The following NDRG3 variants were observed in gnomAD, a reference collection of about 807,000 sequenced individuals.
NDRG3 encodes the protein NDRG family member 3.
In NDRG3, 23 loss-of-function variants were observed where a neutral mutation model predicts 57.2. The observed-to-expected ratio is 0.40, with a 90% CI of 0.29 to 0.57. The LOEUF is 0.57. Among genes scored for constraint, NDRG3 ranks in the 20% least tolerant of loss-of-function variants. NDRG3 has a pLI of 0.42. For synonymous variants in NDRG3, 132 were observed against 162.6 expected (o/e 0.81, Z 1.43); for missense variants, 384 against 457.3 (o/e 0.84, Z 1.46).
intron 6 of NDRG3, among the ~76,000 whole-genome samples, chr20:36,683,849 A>ACAG (rs1981547926): frequency 6.6e-6 from 1 of 151,774 alleles, no homozygotes; most frequent in Non-Finnish European, 1.5e-5. Flanking sequence ...TCATCCCCCA[A>ACAG]CAGCAGCATC....
At chr20:36,676,895 G>T (rs1446666089) in intron 8 of NDRG3, among the ~76,000 whole-genome samples, 2 of 152,262 alleles carry the variant, frequency 1.3e-5, no homozygotes, top group African/African-American at 4.8e-5. Context: ...GTTGGGACCA[G>T]AGCCGCAGAC....
chr20:36,673,564 C>A (rs2148065042), intron 8 of NDRG3, among the ~76,000 whole-genome samples: 1 of 152,200 alleles, frequency 6.6e-6, no homozygotes, highest in African/African-American at 2.4e-5. Flanking sequence ...CACCACCACA[C>A]CTGGCTACGT....
At chr20:36,738,108 G>A (rs189204405) in intron 1 of NDRG3, among the ~76,000 whole-genome samples, 16 of 151,770 alleles carry the variant, frequency 1.1e-4, no homozygotes, top group South Asian at 8.4e-4. Flanking sequence ...TTTAGGTATC[G>A]TTATTATCAT....
At chr20:36,673,405 T>C (rs1980355573) in intron 8 of NDRG3, among the ~76,000 whole-genome samples, 1 of 152,028 alleles carries the variant, frequency 6.6e-6, no homozygotes, top group Non-Finnish European at 1.5e-5. Flanking sequence ...TTTGTTTGTT[T>C]TCTTTTTTTT....
intron 9 of NDRG3, among the ~76,000 whole-genome samples, chr20:36,667,939 A>ACCTTT (rs1979777241): frequency 6.6e-6 from 1 of 152,140 alleles, no homozygotes; most frequent in African/African-American, 2.4e-5. Flanking sequence ...ATAATAAGAA[A>ACCTTT]AGTGAATACC....
At chr20:36,698,705 C>T (rs993329276) in intron 3 of NDRG3, among the ~76,000 whole-genome samples, 8 of 151,666 alleles carry the variant, frequency 5.3e-5, no homozygotes, top group African/African-American at 7.3e-5. Flanking sequence ...AAACTGGAAA[C>T]AGCCCAAATA....
chr20:36,687,358 G>C (rs1981875444), intron 5 of NDRG3, 134 bp downstream of exon 5: 8 of 1,108,018 alleles, frequency 7.2e-6, no homozygotes, highest in Non-Finnish European at 5.1e-6. Flanking sequence ...GAAAATATGA[G>C]GATGGTTGGT....
At chr20:36,712,572 TA>T (rs1568660301) in intron 2 of NDRG3, among the ~76,000 whole-genome samples, 58 of 17,916 alleles carry the variant, frequency 3.2e-3, no homozygotes, top group African/African-American at 8.8e-3. Context: ...TATATATATA[TA>T]TATATATATA....
At chr20:36,673,310 T>G (rs1980347017) in intron 8 of NDRG3, among the ~76,000 whole-genome samples, 1 of 152,188 alleles carries the variant, frequency 6.6e-6, no homozygotes, top group Non-Finnish European at 1.5e-5. Context: ...AGAATCTAGT[T>G]TGCTGATGAC....
intron 1 of NDRG3, among the ~76,000 whole-genome samples, chr20:36,743,426 G>A (rs1239805547): frequency 9.9e-5 from 15 of 152,064 alleles, no homozygotes; most frequent in Non-Finnish European, 2.1e-4. Flanking sequence ...CCCAGGATGC[G>A]GAGGTTGCAG....
rs1600943479 is a variant in NDRG3 at position 36,714,433 on chromosome 20, T to C, written c.57+7246A>G. Among the ~76,000 whole-genome samples the C allele has an allele frequency of 3.6e-5, 5 of 138,604 alleles. 1 individual carries two copies. In the South Asian group the frequency reaches 9.6e-4, roughly 27 times the overall value. 90.9% of individuals were successfully genotyped at this position (138,604 alleles called of 152,430 possible). On this transcript the variant is annotated intron_variant, in intron 2 of 15. Transcript: ENST00000349004. ...AAAAAAAAAAAAAATCTTCAGCAAA[T>C]CATTTTCTTCTTTTTTTTTTTTTTT...
rs537589126 is a variant in NDRG3 at position 36,654,178 on chromosome 20, T to C, written c.947-477A>G. On this transcript the variant is annotated intron_variant, in intron 15 of 15. Coordinates refer to ENST00000349004, the MANE Select transcript of NDRG3 (RefSeq NM_032013.4). ...GGCTACCTTGCTACCAGGGAGGAGATTTGTAGGATGGTGCAGGTGAAGGGG... is the reference window on the plus strand; with the variant it reads ...GGCTACCTTGCTACCAGGGAGGAGACTTGTAGGATGGTGCAGGTGAAGGGG... Among the ~76,000 whole-genome samples, 7 of 152,016 alleles carry C rather than the reference T, an allele frequency of 4.6e-5. No homozygotes were observed. In the East Asian group the frequency reaches 1.4e-3, roughly 29 times the overall value.
chr20:36,715,415 C>A (rs942681043), intron 2 of NDRG3, among the ~76,000 whole-genome samples: 8 of 151,744 alleles, frequency 5.3e-5, no homozygotes, highest in Non-Finnish European at 8.8e-5. Context: ...CTAGTCCACA[C>A]TAGATGTAGC....
chr20:36,690,532 T>C (rs575578720), intron 3 of NDRG3, among the ~76,000 whole-genome samples: 172 of 76,548 alleles, frequency 2.2e-3, no homozygotes, highest in Admixed American at 4.3e-3. Flanking sequence ...AGGAACCCAA[T>C]AGAGCAGACA....
intron 6 of NDRG3, among the ~76,000 whole-genome samples, 195 bp from the exon 7 acceptor site, chr20:36,682,773 T>A (rs1048408348): frequency 4.6e-5 from 7 of 152,230 alleles, no homozygotes; most frequent in African/African-American, 1.4e-4. Context: ...GGATCTCAGC[T>A]GGGCGCAGTG....
At chr20:36,656,614 A>C (rs897027979) in intron 13 of NDRG3, 82 bp from the exon 14 acceptor site, 2 of 1,461,048 alleles carry the variant, frequency 1.4e-6, no homozygotes, top group Non-Finnish European at 1.9e-6. Flanking sequence ...TTTCAAACAG[A>C]ACAAGATTGA....
chr20:36,742,300 T>C (rs1041170186), intron 1 of NDRG3, among the ~76,000 whole-genome samples: 6 of 152,168 alleles, frequency 3.9e-5, no homozygotes, highest in Admixed American at 3.9e-4. Flanking sequence ...AATAGAATCA[T>C]AATAGAGTTG....
chr20:36,712,393 C>CTTTTTTT (rs532490524), intron 2 of NDRG3, among the ~76,000 whole-genome samples: 3 of 124,274 alleles, frequency 2.4e-5, no homozygotes, highest in African/African-American at 9.6e-5. Context: ...TTTTCTTTTT[C>CTTTTTTT]TTTTTTTTTT....
intron 3 of NDRG3, among the ~76,000 whole-genome samples, chr20:36,692,734 T>G (rs1347235793): frequency 6.6e-6 from 1 of 151,962 alleles, no homozygotes; most frequent in Non-Finnish European, 1.5e-5. Flanking sequence ...CTGGATTGCC[T>G]CTGGTTTAAG....
Sources: gnomAD v4.1 joint callset for allele counts (sites outside exome capture counted in the v4.1 genomes callset) on GRCh38, gnomAD v4.1.1 for gene constraint, MANE v1.5 for transcripts, NCBI Gene and HGNC (gene_info 2026-07-23, HGNC 2026-07-21) for gene names.